The following GPR89B variants were observed in gnomAD, a reference collection of about 807,000 sequenced individuals.
GPR89B encodes golgi pH regulator B, also known as G protein-coupled receptor 89B.
Under a neutral mutation model 52.4 loss-of-function variants are expected in GPR89B, and 25 were observed. That is an observed-to-expected ratio of 0.48 (90% confidence interval 0.35 to 0.67). The LOEUF is 0.67. Ranked by LOEUF, GPR89B falls within the 30% of genes least tolerant of loss-of-function variation. GPR89B has a pLI of 0.01. For synonymous variants in GPR89B, 52 were observed against 151.2 expected, an observed-to-expected ratio of 0.34 and a Z score of 4.81; for missense variants, 146 against 450.2, an observed-to-expected ratio of 0.32 and a Z score of 6.11.
At chr1:147,968,304 C>G (rs1455725983) in intron 8 of GPR89B, 1 of 453,660 alleles carries the variant, frequency 2.2e-6, no homozygotes, top group African/African-American at 2.0e-5. Context: ...AATTGTGTGA[C>G]TTTGAGCAAG....
At chr1:147,949,641 T>C (rs1364524201) in intron 5 of GPR89B, among the ~76,000 whole-genome samples, 2 of 134,256 alleles carry the variant, frequency 1.5e-5, no homozygotes, top group East Asian at 2.3e-4. Flanking sequence ...CCCACCTCCC[T>C]CCCGGATGGG....
chr1:147,989,731 T>G (rs1658919976), intron 12 of GPR89B, among the ~76,000 whole-genome samples: 1 of 152,214 alleles, frequency 6.6e-6, no homozygotes, highest in Non-Finnish European at 1.5e-5. Context: ...GGTTTCCAGC[T>G]TCATCCATGT....
At chr1:148,020,082 G>A in the GPR89B span, among the ~76,000 whole-genome samples, 1 of 150,340 alleles carries the variant, frequency 6.7e-6, no homozygotes, top group Non-Finnish European at 1.5e-5. Flanking sequence ...TGATGTTCGT[G>A]TCAAGGTTGG....
Position 147,988,901 on chromosome 1 carries a change from C to G in GPR89B, c.1095+380C>G, listed in dbSNP as rs1256863501. On this transcript the variant is annotated intron_variant, in intron 12 of 13. Coordinates refer to ENST00000314163, the MANE Select transcript of GPR89B (RefSeq NM_016334.5). Reference sequence around the variant, plus strand: ...AGGTGGTACCATGAGATAATTTTACCTCATTAAGAATTCTGCCTCCTGAGA... The same window carrying G: ...AGGTGGTACCATGAGATAATTTTACGTCATTAAGAATTCTGCCTCCTGAGA... Among the ~76,000 whole-genome samples, 3 of 139,372 alleles carry G rather than the reference C, an allele frequency of 2.2e-5. No individual in the cohort carries two copies. The East Asian group carries it at 6.2e-4, about 29-fold the overall frequency. 91.4% of individuals were successfully genotyped at this position (139,372 alleles called of 152,430 possible). A position where few individuals can be genotyped will look rare whatever the true frequency, so the allele number is the denominator to read the frequency against.
At position 147,948,046 on chromosome 1, in the gene GPR89B, G is replaced by C. The variant is rs373727447; in HGVS notation, c.415+3948G>C. Among the ~76,000 whole-genome samples, 142 of 152,192 alleles carry C rather than the reference G, an allele frequency of 9.3e-4. 1 individual carries two copies. The highest frequency in any genetic ancestry group is 3.4e-3 in the Middle Eastern group (1 of 294). On this transcript the variant is annotated intron_variant, in intron 5 of 13. Transcript: ENST00000314163. ...CCTGAAATTTATAGTCTTGTGGGTGGAACTAGACAATAAAGAGGTAAATAT... is the reference window on the plus strand; with the variant it reads ...CCTGAAATTTATAGTCTTGTGGGTGCAACTAGACAATAAAGAGGTAAATAT...
chr1:148,002,718 T>C, the GPR89B span, among the ~76,000 whole-genome samples: 1 of 152,160 alleles, frequency 6.6e-6, no homozygotes, highest in Non-Finnish European at 1.5e-5. Context: ...CAGTCTTGCA[T>C]AGAAGTACCC....
chr1:148,024,410 T>TAGA, the GPR89B span: 1 of 129,660 alleles, frequency 7.7e-6, no homozygotes, highest in African/African-American at 3.0e-5. Flanking sequence ...AGTAACTGAG[T>TAGA]AGAACTTCTC....
intron 10 of GPR89B, among the ~76,000 whole-genome samples, chr1:147,973,119 G>A (rs1237293868): frequency 2.6e-5 from 4 of 151,780 alleles, no homozygotes; most frequent in African/African-American, 4.9e-5. Context: ...TGCAGTGGGC[G>A]TACATGTGTA....
At chr1:147,982,213 C>T (rs1446944471) in intron 10 of GPR89B, among the ~76,000 whole-genome samples, 16 of 151,662 alleles carry the variant, frequency 1.1e-4, no homozygotes, top group African/African-American at 2.9e-4. Context: ...GCACATGCAA[C>T]CACTCCCGGC....
At chr1:147,954,970 C>A (rs1656007656) in intron 7 of GPR89B, among the ~76,000 whole-genome samples, 1 of 151,932 alleles carries the variant, frequency 6.6e-6, no homozygotes, top group South Asian at 2.1e-4. Flanking sequence ...TTATTACATT[C>A]ATCATGCTGT....
intron 10 of GPR89B, among the ~76,000 whole-genome samples, chr1:147,984,551 G>A (rs1184894952): frequency 1.3e-5 from 2 of 149,516 alleles, no homozygotes; most frequent in African/African-American, 4.9e-5. Flanking sequence ...TCTGGTCTTT[G>A]TTATTTCCTT....
chr1:147,949,906 C>G (rs1169142447), intron 5 of GPR89B, among the ~76,000 whole-genome samples: 1 of 117,724 alleles, frequency 8.5e-6, no homozygotes, highest in African/African-American at 4.1e-5. Flanking sequence ...CCGGACGGGG[C>G]GGCTGGCCGG....
the GPR89B span, chr1:148,009,333 A>T: frequency 1.9e-6 from 3 of 1,611,436 alleles, no homozygotes; most frequent in Non-Finnish European, 2.5e-6. Context: ...GCTCCCCAAA[A>T]AATTCTCACC....
chr1:147,956,447 A>G (rs1656118805), intron 7 of GPR89B, among the ~76,000 whole-genome samples: 1 of 152,112 alleles, frequency 6.6e-6, no homozygotes, highest in Admixed American at 6.6e-5. Context: ...TGGAATTTTG[A>G]TAGGGATTAC....
chr1:147,963,727 T>C (rs1656811112), intron 7 of GPR89B, among the ~76,000 whole-genome samples: 4 of 152,190 alleles, frequency 2.6e-5, no homozygotes, highest in Non-Finnish European at 2.9e-5. Context: ...ACTGGATCAC[T>C]CATACATTGC....
intron 10 of GPR89B, among the ~76,000 whole-genome samples, chr1:147,979,299 C>T (rs1329707356): frequency 6.6e-6 from 1 of 151,974 alleles, no homozygotes; most frequent in Non-Finnish European, 1.5e-5. Flanking sequence ...TCACCTTGGC[C>T]CCTCCACCGA....
At chr1:147,972,014 T>G (rs1287411067) in intron 10 of GPR89B, among the ~76,000 whole-genome samples, 4 of 151,690 alleles carry the variant, frequency 2.6e-5, no homozygotes, top group Non-Finnish European at 5.9e-5. Context: ...GCCAGTCTGC[T>G]TTCTCTCATT....
rs764882025 is a variant in GPR89B, at chr1:147,928,523, C to A, written c.-14C>A. ...AGTGGGAAGTGGAGGCAGGAGCCTT[C>A]CTTACACTTCGCCATGAGTTTCCTG... is the stretch of plus-strand genomic sequence containing the variant. On this transcript the variant is annotated 5_prime_UTR_variant, in exon 1 of 14. Coordinates refer to ENST00000314163, the MANE Select transcript of GPR89B (RefSeq NM_016334.5). 6.2e-6 allele frequency: 10 copies of A among 1,613,916 alleles called. No homozygotes were observed. The highest frequency in any genetic ancestry group is 1.3e-5 in the African/African-American group (1 of 75,052).
At chr1:148,012,669 G>A in the GPR89B span, among the ~76,000 whole-genome samples, 1 of 151,912 alleles carries the variant, frequency 6.6e-6, no homozygotes, top group South Asian at 2.1e-4. Context: ...CAAAAGAGGA[G>A]AGGAAAGAAT....
Sources: gnomAD v4.1 joint callset for allele counts (sites outside exome capture counted in the v4.1 genomes callset) on GRCh38, gnomAD v4.1.1 for gene constraint, MANE v1.5 for transcripts, NCBI Gene and HGNC (gene_info 2026-07-23, HGNC 2026-07-21) for gene names.